The following CTDSPL2 variants were observed in gnomAD, a reference collection of about 807,000 sequenced individuals.
CTDSPL2 encodes the protein CTD small phosphatase-like protein 2.
Under a neutral mutation model 60.0 loss-of-function variants are expected in CTDSPL2, and 5 were observed. The observed-to-expected ratio is 0.08, with a 90% CI of 0.04 to 0.18. The LOEUF is 0.18. Among genes scored for constraint, CTDSPL2 ranks in the 10% least tolerant of loss-of-function variants. The pLI, the probability that CTDSPL2 is intolerant of heterozygous loss-of-function variation, is 1.00. For missense variants in CTDSPL2, 370 were observed against 548.8 expected, an observed-to-expected ratio of 0.67 and a Z score of 3.26; for synonymous variants, 186 against 189.3, an observed-to-expected ratio of 0.98 and a Z score of 0.14.
chr15:44,459,499 A>G (rs757528043), intron 2 of CTDSPL2, among the ~76,000 whole-genome samples: 3 of 152,116 alleles, frequency 2.0e-5, no homozygotes, highest in African/African-American at 4.8e-5. Context: ...CTGCACTCCA[A>G]CCTGGGCGAC....
intron 8 of CTDSPL2, chr15:44,503,351 A>G (rs1030986863): frequency 3.9e-5 from 6 of 152,176 alleles, no homozygotes; most frequent in African/African-American, 1.2e-4. Flanking sequence ...CTTTATATTT[A>G]GCCTATATTG....
chr15:44,513,376 A>T lies in CTDSPL2; in HGVS notation c.970-1222A>T, dbSNP rs563638500. Among the ~76,000 whole-genome samples, 6 of 152,232 alleles carry T rather than the reference A, an allele frequency of 3.9e-5. No homozygotes were observed. The South Asian group carries it at 1.0e-3, about 26-fold the overall frequency. ...CAGCTACTCCGGAGGCTGAGGCAGG[A>T]GAATCACTTGAACCCAGGAGGCGGA... is the stretch of plus-strand genomic sequence containing the variant. On this transcript the variant is annotated intron_variant, in intron 8 of 12. Transcript: ENST00000260327.
chr15:44,448,397 G>A (rs1426699826), intron 1 of CTDSPL2: 1 of 247,574 alleles, frequency 4.0e-6, no homozygotes, highest in Non-Finnish European at 8.1e-6. Context: ...GAACCCACAC[G>A]ATCCACACCA....
chr15:44,505,067 A>G (rs2081437732), intron 8 of CTDSPL2, among the ~76,000 whole-genome samples: 1 of 152,186 alleles, frequency 6.6e-6, no homozygotes, highest in Non-Finnish European at 1.5e-5. Flanking sequence ...TTTCTCAAAA[A>G]TATGGAAAAA....
chr15:44,476,652 A>G (rs879375653), intron 2 of CTDSPL2, among the ~76,000 whole-genome samples: 3 of 152,130 alleles, frequency 2.0e-5, no homozygotes, highest in Admixed American at 2.0e-4. Context: ...ATAATTGCCT[A>G]CAGTATTCAG....
At chr15:44,457,917 A>G (rs1402705242) in intron 1 of CTDSPL2, among the ~76,000 whole-genome samples, 2 of 152,136 alleles carry the variant, frequency 1.3e-5, no homozygotes, top group Admixed American at 6.6e-5. Context: ...CCCAGCCTGT[A>G]GTTTCTATTT....
rs764238056 is a variant in CTDSPL2, at chr15:44,506,412, C to CTTTTTTTTTTTTTTTTTT, written c.969+6603_969+6620dup. On this transcript the variant is annotated intron_variant, in intron 8 of 12. Transcript: ENST00000260327. ...TAAGCTTCATTTTATCCTACTTTGA[C>CTTTTTTTTTTTTTTTTTT]TTTTTTTTTTTTTTTTTTTTTGGAG... 6.2e-5 allele frequency among the ~76,000 whole-genome samples: 7 copies of CTTTTTTTTTTTTTTTTTT among 112,392 alleles called. 1 individual carries two copies. Among genetic ancestry groups the CTTTTTTTTTTTTTTTTTT allele is most frequent in the East Asian group, 3.0e-4 (1 of 3,288 alleles). The allele number at this position is 112,392 out of a possible 152,430, so 73.7% of individuals were successfully genotyped here.
chr15:44,481,976 T>G (rs1265343729), intron 2 of CTDSPL2, among the ~76,000 whole-genome samples: 1 of 152,216 alleles, frequency 6.6e-6, no homozygotes. Flanking sequence ...CAGTTTGCAT[T>G]TCCTTTTGTA....
At chr15:44,469,738 G>A (rs1567077685) in intron 2 of CTDSPL2, among the ~76,000 whole-genome samples, 1 of 152,086 alleles carries the variant, frequency 6.6e-6, no homozygotes. Flanking sequence ...CCAAATGGTT[G>A]ATAATATTCT....
intron 2 of CTDSPL2, among the ~76,000 whole-genome samples, chr15:44,481,540 G>C (rs567353062): frequency 1.3e-5 from 2 of 152,084 alleles, no homozygotes; most frequent in African/African-American, 2.4e-5. Flanking sequence ...CTCCAGTTCA[G>C]CTGCTACATA....
intron 1 of CTDSPL2, among the ~76,000 whole-genome samples, chr15:44,436,160 A>G (rs748853536): frequency 8.1e-4 from 123 of 152,190 alleles, no homozygotes; most frequent in Non-Finnish European, 1.4e-3. Flanking sequence ...TTTGGTGTCA[A>G]AGAGGGCAAT....
intron 4 of CTDSPL2, 100 bp downstream of exon 4, chr15:44,486,800 T>C (rs1272225371): frequency 1.1e-6 from 1 of 913,494 alleles, no homozygotes; most frequent in African/African-American, 1.7e-5. Flanking sequence ...CTCTCTTTGT[T>C]GCCCAGGCTG....
At chr15:44,451,939 A>T (rs1450752977) in intron 1 of CTDSPL2, among the ~76,000 whole-genome samples, 2 of 152,212 alleles carry the variant, frequency 1.3e-5, no homozygotes, top group African/African-American at 4.8e-5. Flanking sequence ...AAACACCTTG[A>T]ACACAGATCT....
chr15:44,442,715 C>T (rs1276742916), intron 1 of CTDSPL2, among the ~76,000 whole-genome samples: 2 of 152,034 alleles, frequency 1.3e-5, no homozygotes, highest in Non-Finnish European at 1.5e-5. Context: ...GTAGCTCACG[C>T]CTGTAATCAC....
chr15:44,513,295 G>T (rs1047665627), intron 8 of CTDSPL2, among the ~76,000 whole-genome samples: 3 of 151,606 alleles, frequency 2.0e-5, no homozygotes, highest in Non-Finnish European at 4.4e-5. Flanking sequence ...GCGAAACCCC[G>T]TCTCTACTAA....
At chr15:44,450,935 T>C (rs777171177) in intron 1 of CTDSPL2, among the ~76,000 whole-genome samples, 1 of 152,030 alleles carries the variant, frequency 6.6e-6, no homozygotes, top group Non-Finnish European at 1.5e-5. Context: ...TGGTAAAATA[T>C]AGTATAAAAG....
intron 1 of CTDSPL2, among the ~76,000 whole-genome samples, chr15:44,443,967 CT>C: frequency 6.6e-6 from 1 of 151,422 alleles, no homozygotes; most frequent in South Asian, 2.1e-4. Context: ...TAGTGGTGCA[CT>C]TGTAGCTCGC....
At chr15:44,499,868 A>C in intron 8 of CTDSPL2, 55 bp downstream of exon 8, 1 of 994,682 alleles carries the variant, frequency 1.0e-6, no homozygotes. Context: ...TCTGATAAAA[A>C]AAACTTTTGT....
chr15:44,499,543 C>T (rs569082201), intron 7 of CTDSPL2, among the ~76,000 whole-genome samples, 184 bp from the exon 8 acceptor site: 1 of 152,252 alleles, frequency 6.6e-6, no homozygotes, highest in South Asian at 2.1e-4. Context: ...AGGAGCTATA[C>T]CTGAGAACTA....
Sources: gnomAD v4.1 joint callset for allele counts (sites outside exome capture counted in the v4.1 genomes callset) on GRCh38, gnomAD v4.1.1 for gene constraint, MANE v1.5 for transcripts, NCBI Gene and HGNC (gene_info 2026-07-23, HGNC 2026-07-21) for gene names.